Variants in GREB1 observed in about 807,000 individuals in gnomAD.
The protein encoded by GREB1 is protein GREB1.
Under a neutral mutation model 200.7 loss-of-function variants are expected in GREB1, and 106 were observed. The ratio of observed to expected loss-of-function variants is 0.53; its 90% CI spans 0.45 to 0.62. GREB1 has a LOEUF of 0.62. GREB1 is among the 20% of genes least tolerant of loss of function. The pLI, the probability that GREB1 is intolerant of heterozygous loss-of-function variation, is 0.00. For synonymous variants in GREB1, 1,132 were observed against 1,092.4 expected (o/e 1.04, Z -0.72); for missense variants, 2,243 against 2,556.8 (o/e 0.88, Z 2.65).
In GREB1 at chr2:11,508,505, A is replaced by T. The variant is rs140562077; in HGVS notation, c.-159+26124A>T. ...TTCTGGCTTTCCCCCAGTGTGGCAA[A>T]GGTTTGTTTTGCATCCTTCCTGACA... On this transcript the variant is annotated intron_variant, in intron 1 of 2. Coordinates refer to the GREB1 transcript ENST00000628795. 7.9e-5 allele frequency among the ~76,000 whole-genome samples: 12 copies of T among 152,276 alleles called. No individual in the cohort carries two copies. The East Asian group carries it at 1.9e-3, about 25-fold the overall frequency.
chr2:11,584,180 TGTACAGTTGAA>T (rs1448855428), intron 7 of GREB1, among the ~76,000 whole-genome samples: 1 of 152,214 alleles, frequency 6.6e-6, no homozygotes, highest in Non-Finnish European at 1.5e-5. Flanking sequence ...TTGAGTTTAA[TGTACAGTTGAA>T]GTTGAGACAT....
chr2:11,635,866 C>T (rs1462333234), intron 30 of GREB1, among the ~76,000 whole-genome samples: 2 of 152,308 alleles, frequency 1.3e-5, no homozygotes, highest in African/African-American at 2.4e-5. Flanking sequence ...GGAATTAAGA[C>T]GTAAAATCAC....
At position 11,516,570 on chromosome 2, in the gene GREB1, A is replaced by G. The variant is rs1033826629; in HGVS notation, c.-159+34189A>G. Among the ~76,000 whole-genome samples the G allele has an allele frequency of 2.0e-5, 3 of 152,064 alleles. No homozygotes were observed. In the East Asian group the frequency reaches 5.8e-4, roughly 29 times the overall value. ...AAGTGACTCTTCTCTTCCCCACCCC[A>G]AGTCCCAGCTGTAGTTGACGTAGGA... On this transcript the variant is annotated intron_variant, in intron 1 of 2. Coordinates refer to the GREB1 transcript ENST00000628795.
intron 1 of GREB1, among the ~76,000 whole-genome samples, chr2:11,549,318 C>G (rs1003199239): frequency 6.6e-6 from 1 of 152,132 alleles, no homozygotes; most frequent in Middle Eastern, 3.4e-3. Flanking sequence ...AAAATGTTTT[C>G]TCTTTGTGGG....
chr2:11,546,478 C>T (rs1055680903), intron 1 of GREB1, among the ~76,000 whole-genome samples: 2 of 152,116 alleles, frequency 1.3e-5, no homozygotes, highest in Non-Finnish European at 2.9e-5. Context: ...ATGCATGGAC[C>T]ACAGTATATA....
Position 11,592,889 on chromosome 2 carries a change from C to T in GREB1, c.1459C>T (p.Pro487Ser), listed in dbSNP as rs1211811212. The change falls in exon 11 of 33, where the codon CCG (proline) becomes TCG (serine). Residue 487 changes from proline (P) to serine (S), a missense_variant. Physicochemically the swap from Pro to Ser is moderately conservative, Grantham distance 74 (BLOSUM62 -1). This residue lies in a region of GREB1 where 1,178 missense variants were observed against 1,387.4 expected (regional missense o/e 0.85). Transcript: ENST00000381486. ...CCAGCAGGCGCCGCCGCAGCCCTTC[C>T]CGCCCGCGCCCAGCGCCGCGGCACC... ...QYQQAPPQPF[P>S]PAPSAAAPVT... 1.1e-5 allele frequency: 17 copies of T among 1,597,134 alleles called. No homozygotes were observed. The highest frequency in any genetic ancestry group is 2.7e-5 in the African/African-American group (2 of 74,114).
upstream of GREB1, among the ~76,000 whole-genome samples, chr2:11,530,160 C>A (rs1674019171): frequency 6.6e-6 from 1 of 152,024 alleles, no homozygotes; most frequent in Non-Finnish European, 1.5e-5. Context: ...CTCCTGGGCT[C>A]AAACTATTCT....
In GREB1 at chr2:11,616,704, C is replaced by T; in HGVS notation, c.3396C>T (p.Leu1132=). 6.2e-7 allele frequency: 1 copy of T among 1,608,714 alleles called. No individual in the cohort carries two copies. Among genetic ancestry groups the T allele is most frequent in the African/African-American group, 1.3e-5 (1 of 74,940 alleles). Residue 1132 remains leucine (L), a synonymous_variant, in exon 21 of 33, where the codon CTC becomes CTT. Transcript: ENST00000381486. ...SRSHDSASSS[L]SSKASGSALG... Reference sequence around the variant, plus strand: ...CCCACGACTCAGCATCCTCATCCCTCTCCTCCAAGGCTTCCGGTGAGTCTT... The same window carrying T: ...CCCACGACTCAGCATCCTCATCCCTTTCCTCCAAGGCTTCCGGTGAGTCTT...
At chr2:11,573,681 A>G (rs1021749252) in intron 4 of GREB1, among the ~76,000 whole-genome samples, 1 of 152,148 alleles carries the variant, frequency 6.6e-6, no homozygotes, top group African/African-American at 2.4e-5. Flanking sequence ...CCTGACCAGA[A>G]AGTTTTTGCC....
At chr2:11,553,164 T>G (rs1258452357) in intron 1 of GREB1, among the ~76,000 whole-genome samples, 1 of 152,152 alleles carries the variant, frequency 6.6e-6, no homozygotes, top group Non-Finnish European at 1.5e-5. Context: ...TTACAGACAT[T>G]AAAACTTTGA....
chr2:11,497,220 G>A (rs1672912100), intron 1 of GREB1, among the ~76,000 whole-genome samples: 1 of 152,212 alleles, frequency 6.6e-6, no homozygotes, highest in Admixed American at 6.5e-5. Flanking sequence ...TATAGTATGT[G>A]ACCTTTTGAG....
intron 1 of GREB1, among the ~76,000 whole-genome samples, chr2:11,501,899 TTTTTTG>T (rs1415797535): frequency 0.028 from 873 of 31,522 alleles, 321 homozygotes; most frequent in African/African-American, 0.046. Flanking sequence ...TTTCCTGTTT[TTTTTTG>T]TTTTTTTTTT....
intron 1 of GREB1, among the ~76,000 whole-genome samples, chr2:11,484,437 A>T (rs1025218497): frequency 6.6e-6 from 1 of 152,098 alleles, no homozygotes; most frequent in Non-Finnish European, 1.5e-5. Context: ...TGCAGGGACA[A>T]GCATTCTTTC....
At position 11,634,212 on chromosome 2, in the gene GREB1, C is replaced by T. The variant is rs200855068; in HGVS notation, c.5073C>T (p.Tyr1691=). ...AGGCGGCCCCCGACATCATGCACTA[C>T]GCCCTGCTGGGCCTGCGGAAGTGGT... ...HIEAAPDIMH[Y]ALLGLRKWSS... Residue 1691 remains tyrosine (Y), a synonymous_variant, in exon 29 of 33, where the codon TAC becomes TAT. Coordinates refer to ENST00000381486, the MANE Select transcript of GREB1 (RefSeq NM_014668.4). 438 of 1,614,222 alleles carry T rather than the reference C, an allele frequency of 2.7e-4. 1 individual carries two copies. The highest frequency in any genetic ancestry group is 2.3e-3 in the Middle Eastern group (14 of 6,062).
At position 11,632,935 on chromosome 2, in the gene GREB1, G is replaced by C. The variant is rs1376407567; in HGVS notation, c.4863G>C (p.Glu1621Asp). The C allele has an allele frequency of 1.9e-6, 3 of 1,614,032 alleles. No individual in the cohort carries two copies. The African/African-American group carries it at 4.0e-5, about 22-fold the overall frequency. Residue 1621 changes from glutamate to aspartate, a missense_variant, in exon 28 of 33, where the codon GAG becomes GAC. Coordinates refer to ENST00000381486, the MANE Select transcript of GREB1 (RefSeq NM_014668.4). Reference sequence around the variant, plus strand: ...AGGAGCTGTCCTACCATAACCTGGAGCTCGAGCGGAACCGGCAGGAGGAGC... The same window carrying C: ...AGGAGCTGTCCTACCATAACCTGGACCTCGAGCGGAACCGGCAGGAGGAGC... ...LIKELSYHNL[E>D]LERNRQEELG...
At chr2:11,505,858 A>T (rs1673170469) in intron 1 of GREB1, among the ~76,000 whole-genome samples, 1 of 152,144 alleles carries the variant, frequency 6.6e-6, no homozygotes, top group African/African-American at 2.4e-5. Context: ...GGAAAAAAAA[A>T]AGTGTTCAAA....
chr2:11,618,958 G>T (rs771434669), intron 22 of GREB1, 39 bp downstream of exon 22: 59 of 1,444,584 alleles, frequency 4.1e-5, no homozygotes, highest in Middle Eastern at 3.7e-4. Context: ...CCCCGGACTG[G>T]GGGGGTCCTC....
chr2:11,574,197 C>T (rs1205709536), intron 4 of GREB1, among the ~76,000 whole-genome samples: 34 of 152,362 alleles, frequency 2.2e-4, no homozygotes, highest in Non-Finnish European at 8.8e-5. Context: ...TCGATGTTAA[C>T]CGGCTGCCTG....
At chr2:11,568,584 G>A (rs539726479) in intron 4 of GREB1, among the ~76,000 whole-genome samples, 3 of 152,394 alleles carry the variant, frequency 2.0e-5, no homozygotes, top group African/African-American at 4.8e-5. Context: ...AAGTGAGTAC[G>A]CGAGGCCATG....
Sources: allele counts gnomAD v4.1 joint callset (sites outside exome capture counted in the v4.1 genomes callset), GRCh38; gene constraint gnomAD v4.1.1; regional missense constraint gnomAD v4.1.1; transcripts MANE v1.5; gene names NCBI Gene and HGNC (gene_info 2026-07-23, HGNC 2026-07-21).